Variants in MGAT4C observed in about 807,000 individuals in gnomAD.
MGAT4C encodes alpha-1,3-mannosyl-glycoprotein 4-beta-N-acetylglucosaminyltransferase C.
In MGAT4C, 19 loss-of-function variants were observed where a neutral mutation model predicts 40.1. The observed-to-expected ratio is 0.47, with a 90% confidence interval of 0.33 to 0.70. MGAT4C has a LOEUF of 0.70. MGAT4C is among the 30% of genes least tolerant of loss of function. The probability of loss-of-function intolerance (pLI) is 0.02; values close to 1 mark genes in which losing one functional copy is unlikely to be tolerated. For missense variants in MGAT4C, 491 were observed against 563.2 expected (o/e 0.87, Z 1.30); for synonymous variants, 181 against 187.1 (o/e 0.97, Z 0.27).
chr12:86,746,104 T>C (rs1378971229), intron 1 of MGAT4C, among the ~76,000 whole-genome samples: 1 of 151,704 alleles, frequency 6.6e-6, no homozygotes, highest in East Asian at 1.9e-4. Context: ...GTCAATGCAG[T>C]GAAATTCTCT....
chr12:86,496,179 A>G (rs772152547), intron 2 of MGAT4C, among the ~76,000 whole-genome samples: 9 of 151,996 alleles, frequency 5.9e-5, no homozygotes, highest in Non-Finnish European at 1.2e-4. Context: ...GATGGGACCT[A>G]TAGAGTGATA....
Position 85,961,535 on chromosome 12 carries a change from A to G in MGAT4C, c.*17754T>C, listed in dbSNP as rs1883112224. 6.6e-6 allele frequency: 1 copy of G among 151,826 alleles called. No homozygotes were observed. Among genetic ancestry groups the G allele is most frequent in the Admixed American group, 6.6e-5 (1 of 15,210 alleles). The allele number at this position is 151,826 out of a possible 1,614,324, so 9.4% of individuals were successfully genotyped here. On this transcript the variant is annotated 3_prime_UTR_variant, in exon 5 of 5. Coordinates refer to ENST00000611864, the MANE Select transcript of MGAT4C (RefSeq NM_001351288.2). Reference sequence around the variant, plus strand: ...CTAATCTTTTATCATCCTCTACCACATAATTCCTCCTATATTCTCTTTTTC... The same window carrying G: ...CTAATCTTTTATCATCCTCTACCACGTAATTCCTCCTATATTCTCTTTTTC...
chr12:86,608,671 T>G (rs1962133387), intron 2 of MGAT4C, among the ~76,000 whole-genome samples: 1 of 151,638 alleles, frequency 6.6e-6, no homozygotes, highest in Non-Finnish European at 1.5e-5. Flanking sequence ...CTTATTTTCA[T>G]AAAATGTACT....
In MGAT4C at chr12:86,492,528, A is replaced by C. The variant is rs553349472; in HGVS notation, c.-228-57263T>G. ...CTATCTGATCTTTGACAAACCTGAG[A>C]AAAACAAGCAATGGGGAAAGGATTC... is the stretch of plus-strand genomic sequence containing the variant. On this transcript the variant is annotated intron_variant, in intron 2 of 7. Transcript: ENST00000548651. Among the ~76,000 whole-genome samples, 497 of 152,318 alleles carry C rather than the reference A, an allele frequency of 3.3e-3. 2 individuals are homozygous for C. The highest frequency in any genetic ancestry group is 0.012 in the African/African-American group (480 of 41,578).
At chr12:86,058,068 G>A (rs1000025480) in intron 1 of MGAT4C, among the ~76,000 whole-genome samples, 1 of 151,958 alleles carries the variant, frequency 6.6e-6, no homozygotes, top group Non-Finnish European at 1.5e-5. Context: ...AAAAGAGAGA[G>A]TAAATAAAAT....
At chr12:86,221,489 T>G (rs889856190) in intron 1 of MGAT4C, among the ~76,000 whole-genome samples, 2 of 152,188 alleles carry the variant, frequency 1.3e-5, no homozygotes, top group Admixed American at 6.5e-5. Context: ...GGTCAATCTC[T>G]CAAAACTGAG....
chr12:86,567,584 C>T (rs1377409762), intron 2 of MGAT4C, among the ~76,000 whole-genome samples: 4 of 152,084 alleles, frequency 2.6e-5, no homozygotes, highest in Admixed American at 6.6e-5. Context: ...TTACAACAGC[C>T]CACTCCAGGC....
At chr12:86,627,575 C>G (rs1355833712) in intron 2 of MGAT4C, among the ~76,000 whole-genome samples, 1 of 152,188 alleles carries the variant, frequency 6.6e-6, no homozygotes, top group Non-Finnish European at 1.5e-5. Context: ...GTTCTGCAGC[C>G]TCTGCTGGTG....
chr12:85,992,079 C>T (rs888138175), intron 2 of MGAT4C, among the ~76,000 whole-genome samples: 3 of 152,120 alleles, frequency 2.0e-5, no homozygotes, highest in South Asian at 2.1e-4. Flanking sequence ...CCAGGGTCTG[C>T]GGAAAGGTAA....
At chr12:86,629,021 A>T (rs1157562863) in intron 2 of MGAT4C, among the ~76,000 whole-genome samples, 1 of 152,166 alleles carries the variant, frequency 6.6e-6, no homozygotes, top group East Asian at 1.9e-4. Flanking sequence ...TTTCATATGC[A>T]GAGACACACA....
chr12:86,272,381 C>G (rs753316117), intron 4 of MGAT4C, among the ~76,000 whole-genome samples: 1 of 152,120 alleles, frequency 6.6e-6, no homozygotes, highest in Non-Finnish European at 1.5e-5. Context: ...TGAGCCTATG[C>G]GTTCAATTCT....
At chr12:86,266,636 G>A (rs1453108302) in intron 4 of MGAT4C, among the ~76,000 whole-genome samples, 3 of 152,198 alleles carry the variant, frequency 2.0e-5, no homozygotes, top group East Asian at 1.9e-4. Context: ...TGGTATCAAG[G>A]TGATAATGGC....
At chr12:86,613,795 C>T (rs1440603475) in intron 2 of MGAT4C, among the ~76,000 whole-genome samples, 1 of 151,952 alleles carries the variant, frequency 6.6e-6, no homozygotes, top group Admixed American at 6.6e-5. Context: ...AAATGGAACA[C>T]AGAAAGTAAG....
At chr12:86,670,435 A>C (rs1359179584) in intron 2 of MGAT4C, among the ~76,000 whole-genome samples, 2 of 152,164 alleles carry the variant, frequency 1.3e-5, no homozygotes, top group Non-Finnish European at 2.9e-5. Flanking sequence ...TAATTTCAAA[A>C]TAAAATTGAA....
rs7303308 is a variant in MGAT4C at position 86,009,399 on chromosome 12, G to A, written c.-6-19847C>T. Among the ~76,000 whole-genome samples the A allele has an allele frequency of 1.9e-3, 285 of 152,184 alleles. 1 individual carries two copies. The highest frequency in any genetic ancestry group is 6.3e-3 in the African/African-American group (263 of 41,522). On this transcript the variant is annotated intron_variant, in intron 2 of 4. Transcript: ENST00000611864. ...CTTTCTCTCTCTCTCCCTCCCTGCA[G>A]TTGTGTTTTCCATGCAGCTTTCTCC...
chr12:86,101,338 A>G (rs1255520408), intron 1 of MGAT4C, among the ~76,000 whole-genome samples: 1 of 151,798 alleles, frequency 6.6e-6, no homozygotes, highest in African/African-American at 2.4e-5. Context: ...GAGGGTGTCT[A>G]TTAGTGGAGT....
intron 2 of MGAT4C, among the ~76,000 whole-genome samples, chr12:86,511,635 G>T (rs945270163): frequency 9.2e-5 from 14 of 152,038 alleles, no homozygotes; most frequent in Non-Finnish European, 1.8e-4. Context: ...CGGGGGCTAA[G>T]AATATACAAT....
chr12:86,480,792 T>C (rs1957925173), intron 2 of MGAT4C, among the ~76,000 whole-genome samples: 1 of 151,826 alleles, frequency 6.6e-6, no homozygotes, highest in East Asian at 1.9e-4. Flanking sequence ...GCTAAATGAT[T>C]TTTATTCCTG....
At chr12:86,186,838 G>C (rs953112883) in intron 1 of MGAT4C, among the ~76,000 whole-genome samples, 2 of 152,138 alleles carry the variant, frequency 1.3e-5, no homozygotes, top group Non-Finnish European at 2.9e-5. Flanking sequence ...ACAGCCTGCT[G>C]TTGTTCTTCC....
Sources: allele counts gnomAD v4.1 joint callset (sites outside exome capture counted in the v4.1 genomes callset), GRCh38; gene constraint gnomAD v4.1.1; transcripts MANE v1.5; gene names NCBI Gene and HGNC (gene_info 2026-07-23, HGNC 2026-07-21).